The following KIF1B variants were observed in gnomAD, a reference collection of about 807,000 sequenced individuals.
KIF1B encodes kinesin family member 1B, also known as kinesin-like protein KIF1B.
A neutral mutation model predicts 241.9 loss-of-function variants in KIF1B; 76 were observed. That is an observed-to-expected ratio of 0.31 (90% CI 0.26 to 0.38). The LOEUF is 0.38. Among genes scored for constraint, KIF1B ranks in the 10% least tolerant of loss-of-function variants. The pLI is 1.00. For missense variants in KIF1B, 1,622 were observed against 2,271.4 expected (o/e 0.71, Z 5.81); for synonymous variants, 750 against 796.7 (o/e 0.94, Z 0.99).
chr1:10,350,900 T>A (rs1569877076), intron 37 of KIF1B, among the ~76,000 whole-genome samples: 1 of 151,986 alleles, frequency 6.6e-6, no homozygotes, highest in East Asian at 1.9e-4. Flanking sequence ...AGTTTGAGAC[T>A]ATCCTAGACA....
chr1:10,238,779 T>C (rs1244418180), intron 2 of KIF1B, among the ~76,000 whole-genome samples: 3 of 152,104 alleles, frequency 2.0e-5, no homozygotes, highest in Non-Finnish European at 4.4e-5. Flanking sequence ...TTTGTATACT[T>C]TTTTTAGTAT....
At chr1:10,232,576 T>A (rs774702292) in intron 2 of KIF1B, 142 bp downstream of exon 2, 5 of 692,028 alleles carry the variant, frequency 7.2e-6, no homozygotes, top group Non-Finnish European at 1.3e-5. Context: ...TTGAATGTAT[T>A]CCCCTCTGTG....
Position 10,273,726 on chromosome 1 carries a change from A to C in KIF1B, c.882+695A>C, listed in dbSNP as rs932217771. On this transcript the variant is annotated intron_variant, in intron 10 of 48. Transcript: ENST00000676179. Reference sequence around the variant, plus strand: ...CTCCTCCTCAAAAAAAAAAAAAAAAAAAAAAAAAAAAAACCCAACAAACAC... The same window carrying C: ...CTCCTCCTCAAAAAAAAAAAAAAAACAAAAAAAAAAAAACCCAACAAACAC... Among the ~76,000 whole-genome samples, 72 of 141,590 alleles carry C rather than the reference A, an allele frequency of 5.1e-4. 1 individual carries two copies. The highest frequency in any genetic ancestry group is 1.6e-3 in the African/African-American group (64 of 39,634). 92.9% of individuals were successfully genotyped at this position (141,590 alleles called of 152,430 possible).
chr1:10,367,591 G>T (rs1237761145), intron 43 of KIF1B, among the ~76,000 whole-genome samples: 3 of 150,870 alleles, frequency 2.0e-5, no homozygotes, highest in African/African-American at 4.9e-5. Context: ...CTGGAGTGCA[G>T]TGGTGCGATC....
chr1:10,267,351 T>C (rs774576228), intron 5 of KIF1B, 29 bp from the exon 6 acceptor site: 7 of 1,607,766 alleles, frequency 4.4e-6, no homozygotes, highest in Non-Finnish European at 4.3e-6. Flanking sequence ...TCTTTTTCAC[T>C]CTAATTCACT....
intron 16 of KIF1B, among the ~76,000 whole-genome samples, chr1:10,291,520 C>T (rs879495244): frequency 6.6e-6 from 1 of 152,068 alleles, no homozygotes; most frequent in Non-Finnish European, 1.5e-5. Flanking sequence ...ACCATCCTGG[C>T]TAGCATGGTG....
Position 10,304,289 on chromosome 1 carries a change from A to G in KIF1B, c.2115+7043A>G, listed in dbSNP as rs761773915. On this transcript the variant is annotated intron_variant, in intron 22 of 48. Transcript: ENST00000676179. ...AGTCAAGATCACATCCAAGTTAGCAAGCAGCACATTAATAATCAGCAACAG... is the reference window on the plus strand; with the variant it reads ...AGTCAAGATCACATCCAAGTTAGCAGGCAGCACATTAATAATCAGCAACAG... 2.5e-6 allele frequency: 4 copies of G among 1,614,208 alleles called. No homozygotes were observed. The East Asian group carries it at 8.9e-5, about 36-fold the overall frequency.
intron 29 of KIF1B, 131 bp downstream of exon 29, chr1:10,336,873 G>A: frequency 1.8e-6 from 2 of 1,081,294 alleles, no homozygotes; most frequent in Non-Finnish European, 2.8e-6. Flanking sequence ...TAGAATATGG[G>A]ACATGTCTAA....
intron 38 of KIF1B, among the ~76,000 whole-genome samples, chr1:10,355,920 G>A (rs1340404254): frequency 6.6e-6 from 1 of 152,040 alleles, no homozygotes; most frequent in Admixed American, 6.6e-5. Flanking sequence ...TCTCCTGTCA[G>A]GGCTGCTTGT....
chr1:10,347,791 A>T lies in KIF1B; in HGVS notation c.3828A>T (p.Ala1276=). 1 of 1,613,474 alleles carries T rather than the reference A, an allele frequency of 6.2e-7. No homozygotes were observed. Among genetic ancestry groups the T allele is most frequent in the Non-Finnish European group, 8.5e-7 (1 of 1,179,434 alleles). The part of the protein sequence containing the change: ...EYIPAVVDHT[A]GLPCQGTFLL... Reference sequence around the variant, plus strand: ...TCCCAGCTGTGGTTGACCACACAGCAGGCTTGCCTTGCCAGGGGACATTTT... The same window carrying T: ...TCCCAGCTGTGGTTGACCACACAGCTGGCTTGCCTTGCCAGGGGACATTTT... Residue 1276 remains alanine, a synonymous_variant, in exon 36 of 49, where the codon GCA becomes GCT. Transcript: ENST00000676179.
chr1:10,279,134 C>A lies in KIF1B; in HGVS notation c.1218C>A (p.Ser406Arg). Residue 406 changes from serine (S) to arginine (R), a missense_variant, in exon 14 of 49, where the codon AGC becomes AGA. This residue lies in a region of KIF1B where 201 missense variants were observed against 301.2 expected (regional missense o/e 0.67). Coordinates refer to ENST00000676179, the MANE Select transcript of KIF1B (RefSeq NM_001365951.3). ...PLIDDYSGSG[S>R]KYLKDFQNNK... ...TCGATGATTACTCTGGAAGTGGAAG[C>A]AAATGTGTGTATTTCACATATTGGT... 1.3e-6 allele frequency: 2 copies of A among 1,534,764 alleles called. No homozygotes were observed. The highest frequency in any genetic ancestry group is 1.8e-6 in the Non-Finnish European group (2 of 1,135,422).
chr1:10,297,512 G>T (rs1190974736), intron 22 of KIF1B, among the ~76,000 whole-genome samples: 1 of 152,154 alleles, frequency 6.6e-6, no homozygotes, highest in Non-Finnish European at 1.5e-5. Context: ...TAAGGAAATA[G>T]AGCTTTTCTG....
chr1:10,274,952 A>G, intron 10 of KIF1B: 1 of 390,396 alleles, frequency 2.6e-6, no homozygotes, highest in Non-Finnish European at 4.9e-6. Context: ...ACAGGATATT[A>G]GGTAATAGTA....
chr1:10,227,102 C>A (rs1380886365), intron 1 of KIF1B, among the ~76,000 whole-genome samples: 1 of 135,746 alleles, frequency 7.4e-6, no homozygotes, highest in African/African-American at 2.8e-5. Context: ...GTGGTGCGAT[C>A]TCAGCTCACT....
At chr1:10,304,012 C>T (rs1323362616) in intron 22 of KIF1B, 27 of 1,611,344 alleles carry the variant, frequency 1.7e-5, no homozygotes, top group Non-Finnish European at 2.2e-5. Context: ...GCAGCTTCGT[C>T]GGCAGAATGT....
Position 10,374,717 on chromosome 1 carries a change from G to A in KIF1B, c.5097-137G>A, listed in dbSNP as rs1331303230. 2.0e-5 allele frequency: 19 copies of A among 970,664 alleles called. No individual in the cohort carries two copies. The highest frequency in any genetic ancestry group is 3.1e-5 in the Non-Finnish European group (19 of 619,644). The allele number at this position is 970,664 out of a possible 1,614,324, so 60.1% of individuals were successfully genotyped here. A position where few individuals can be genotyped will look rare whatever the true frequency, so the allele number is the denominator to read the frequency against. ...TTTGCCGTATTACTTTGGCAGATAA[G>A]ATTCTAGGCCAAATAGGTCATTTGC... On this transcript the variant is annotated intron_variant, in intron 46 of 48. Coordinates refer to ENST00000676179, the MANE Select transcript of KIF1B (RefSeq NM_001365951.3). This position sits in a 1 kb window ranked among gnomAD's most constrained non-coding sequence, Gnocchi z 4.3.
At chr1:10,214,714 C>G (rs1327492940) in intron 1 of KIF1B, among the ~76,000 whole-genome samples, 1 of 151,714 alleles carries the variant, frequency 6.6e-6, no homozygotes, top group Non-Finnish European at 1.5e-5. Context: ...TCCCGAGCAG[C>G]TGGGACTACA....
At position 10,380,175 on chromosome 1, in the gene KIF1B, A is replaced by G. The variant is rs1569943075; in HGVS notation, c.*3588A>G. On this transcript the variant is annotated 3_prime_UTR_variant, in exon 49 of 49. Coordinates refer to ENST00000676179, the MANE Select transcript of KIF1B (RefSeq NM_001365951.3). ...CTTTGTTGCCTGCTGCTTATTGTCT[A>G]ATTTACAGGGATATTTAATTTTGTC... The G allele has an allele frequency of 2.3e-5, 5 of 218,784 alleles. No individual in the cohort carries two copies. In the East Asian group the frequency reaches 3.4e-4, roughly 15 times the overall value. The allele number at this position is 218,784 out of a possible 1,614,324, so 13.6% of individuals were successfully genotyped here. A position where few individuals can be genotyped will look rare whatever the true frequency, so the allele number is the denominator to read the frequency against.
At chr1:10,250,669 A>T (rs1238821547) in intron 2 of KIF1B, among the ~76,000 whole-genome samples, 7 of 152,124 alleles carry the variant, frequency 4.6e-5, no homozygotes, top group Non-Finnish European at 2.9e-5. Context: ...TGCAAAAAAA[A>T]TTAAAATTTG....
Sources: allele counts gnomAD v4.1 joint callset (sites outside exome capture counted in the v4.1 genomes callset), GRCh38; gene constraint gnomAD v4.1.1; regional missense constraint gnomAD v4.1.1; non-coding constraint Gnocchi (gnomAD v3.1); transcripts MANE v1.5; gene names NCBI Gene and HGNC (gene_info 2026-07-23, HGNC 2026-07-21).